GBE1: variants seen among roughly 807,000 people sequenced by gnomAD.
GBE1 encodes 1,4-alpha-glucan-branching enzyme.
In GBE1, 70 loss-of-function variants were observed where a neutral mutation model predicts 88.8. The ratio of observed to expected loss-of-function variants is 0.79; its 90% CI spans 0.65 to 0.96. The LOEUF (loss-of-function observed/expected upper bound fraction) is 0.96. GBE1 is among the 40% of genes least tolerant of loss of function. GBE1 has a pLI of 0.00. For synonymous variants in GBE1, 284 were observed against 300.1 expected (o/e 0.95, Z 0.56); for missense variants, 872 against 871.0 (o/e 1.00, Z -0.01).
chr3:81,705,566 C>A lies in GBE1; in HGVS notation c.191G>T (p.Gly64Val), dbSNP rs1338424154. The change falls in exon 2 of 16, where the codon GGT (glycine) becomes GTT (valine). Residue 64 changes from glycine to valine, a missense_variant. Physicochemically the swap from Gly to Val is moderately radical, Grantham distance 109. Transcript: ENST00000429644. ...QILKNIGENE[G>V]GIDKFSRGYE... ...GCCTCTGGAAAACTTATCAATACCA[C>A]CTTCATTTTCTCCAATGTTCTTCAA... The A allele has an allele frequency of 6.3e-7, 1 of 1,583,204 alleles. No homozygotes were observed. Among genetic ancestry groups the A allele is most frequent in the South Asian group, 1.2e-5 (1 of 86,452 alleles).
At chr3:81,722,699 T>C (rs1435063148) in intron 1 of GBE1, among the ~76,000 whole-genome samples, 3 of 151,764 alleles carry the variant, frequency 2.0e-5, no homozygotes, top group Non-Finnish European at 4.4e-5. Context: ...ATAGTAGTCA[T>C]AACTGTCCTA....
chr3:81,732,597 T>C (rs1486997482), intron 1 of GBE1, among the ~76,000 whole-genome samples: 2 of 152,146 alleles, frequency 1.3e-5, no homozygotes, highest in Non-Finnish European at 2.9e-5. Flanking sequence ...TCAGCTTTCA[T>C]AACAGAATCA....
At chr3:81,501,506 G>A (rs1702585268) in intron 14 of GBE1, among the ~76,000 whole-genome samples, 1 of 151,972 alleles carries the variant, frequency 6.6e-6, no homozygotes, top group Non-Finnish European at 1.5e-5. Context: ...ATATTTTGGG[G>A]TAGCATGTTC....
At chr3:81,691,164 C>T (rs1385125915) in intron 2 of GBE1, among the ~76,000 whole-genome samples, 2 of 152,066 alleles carry the variant, frequency 1.3e-5, no homozygotes, top group African/African-American at 2.4e-5. Flanking sequence ...TGTTCAGCCT[C>T]TGAAAGTGAA....
At chr3:81,657,941 T>C (rs761122557) in intron 3 of GBE1, among the ~76,000 whole-genome samples, 23 of 152,098 alleles carry the variant, frequency 1.5e-4, no homozygotes, top group Non-Finnish European at 3.1e-4. Flanking sequence ...TGAGCTCTTA[T>C]ATTATGCAAG....
At chr3:81,654,753 TATAGAAA>T (rs1704906703) in intron 3 of GBE1, 1 of 152,234 alleles carries the variant, frequency 6.6e-6, no homozygotes, top group African/African-American at 2.4e-5. Context: ...ATTTCTAATT[TATAGAAA>T]AATACTACTT....
chr3:81,740,433 C>CCAAAA (rs749515757), intron 1 of GBE1, among the ~76,000 whole-genome samples: 2 of 151,014 alleles, frequency 1.3e-5, no homozygotes, highest in Non-Finnish European at 3.0e-5. Flanking sequence ...TTAAGAAAAG[C>CCAAAA]CAAAACAAAA....
chr3:81,751,082 A>G (rs1706523131), intron 1 of GBE1, among the ~76,000 whole-genome samples: 1 of 152,168 alleles, frequency 6.6e-6, no homozygotes, highest in South Asian at 2.1e-4. Context: ...CAGAGCAGTG[A>G]AAAGTCTCTG....
intron 7 of GBE1, among the ~76,000 whole-genome samples, chr3:81,618,515 T>C (rs1704281007): frequency 6.6e-6 from 1 of 152,078 alleles, no homozygotes; most frequent in South Asian, 2.1e-4. Context: ...AAAAGGATCA[T>C]TTTCGTGTTA....
chr3:81,676,815 C>G (rs997125341), intron 2 of GBE1, among the ~76,000 whole-genome samples: 1 of 152,056 alleles, frequency 6.6e-6, no homozygotes, highest in African/African-American at 2.4e-5. Context: ...GCATAAGATT[C>G]TATTTGTCCA....
At chr3:81,576,240 CATG>C (rs1261913281) in intron 12 of GBE1, among the ~76,000 whole-genome samples, 2 of 151,480 alleles carry the variant, frequency 1.3e-5, no homozygotes, top group African/African-American at 2.4e-5. Flanking sequence ...ACTTATTATA[CATG>C]ATAACTATAA....
intron 2 of GBE1, among the ~76,000 whole-genome samples, chr3:81,703,993 T>G (rs78489589): frequency 4.3e-4 from 66 of 152,016 alleles, no homozygotes; most frequent in African/African-American, 1.5e-3. Flanking sequence ...TAGAACAAGT[T>G]CCCCATTGAC....
intron 7 of GBE1, among the ~76,000 whole-genome samples, chr3:81,621,448 C>T (rs907268540): frequency 3.3e-5 from 5 of 152,154 alleles, no homozygotes; most frequent in Non-Finnish European, 7.3e-5. Flanking sequence ...CTGCCCTCCT[C>T]CTGGCTTTCA....
At chr3:81,656,125 G>C (rs1370645677) in intron 3 of GBE1, among the ~76,000 whole-genome samples, 1 of 152,096 alleles carries the variant, frequency 6.6e-6, no homozygotes, top group African/African-American at 2.4e-5. Context: ...CATTGTGTGA[G>C]GCTGAAAATG....
At chr3:81,595,958 T>C (rs1316884752) in intron 7 of GBE1, among the ~76,000 whole-genome samples, 2 of 151,972 alleles carry the variant, frequency 1.3e-5, no homozygotes, top group South Asian at 2.1e-4. Flanking sequence ...AACTGTATTC[T>C]ATTCTTCAGA....
intron 5 of GBE1, among the ~76,000 whole-genome samples, chr3:81,647,238 G>A (rs372991377): frequency 5.9e-5 from 9 of 152,184 alleles, no homozygotes; most frequent in African/African-American, 2.2e-4. Flanking sequence ...GATTACAGGC[G>A]TGAGCCACCG....
At chr3:81,684,621 C>G (rs980318514) in intron 2 of GBE1, among the ~76,000 whole-genome samples, 1 of 152,152 alleles carries the variant, frequency 6.6e-6, no homozygotes, top group Non-Finnish European at 1.5e-5. Context: ...GAGATTAGGG[C>G]TCAACATATG....
At chr3:81,598,427 A>C (rs1353195101) in intron 7 of GBE1, among the ~76,000 whole-genome samples, 1 of 151,990 alleles carries the variant, frequency 6.6e-6, no homozygotes, top group Admixed American at 6.6e-5. Flanking sequence ...AATTATAATA[A>C]AAATGACATT....
intron 1 of GBE1, among the ~76,000 whole-genome samples, chr3:81,709,305 G>T (rs1054686115): frequency 1.3e-5 from 2 of 151,846 alleles, no homozygotes; most frequent in Non-Finnish European, 2.9e-5. Context: ...TATGAGAAAA[G>T]GTTCTTTGTG....
Sources: gnomAD v4.1 joint callset for allele counts (sites outside exome capture counted in the v4.1 genomes callset) on GRCh38, gnomAD v4.1.1 for gene constraint, MANE v1.5 for transcripts, NCBI Gene and HGNC (gene_info 2026-07-23, HGNC 2026-07-21) for gene names.